ZNF875: variants seen among roughly 807,000 people sequenced by gnomAD.
The protein encoded by ZNF875 is zinc finger protein 875.
ZNF875 carries 14 observed loss-of-function variants against 11.2 expected under a neutral mutation model. That is an observed-to-expected ratio of 1.26 (90% CI 0.83 to 1.96). The LOEUF is 1.96. Among genes scored for constraint, ZNF875 ranks in the 30% most tolerant of loss-of-function variants. The pLI is 0.00. For synonymous variants in ZNF875, 301 were observed against 281.1 expected (o/e 1.07, Z -0.71); for missense variants, 752 against 760.4 (o/e 0.99, Z 0.13).
chr19:37,350,106 CT>C lies in ZNF875; in HGVS notation c.256+2258del, dbSNP rs34388347. Reference sequence around the variant, plus strand: ...GCCACCACGCCCGGCCCCCACTGGCCTTTTTTTTTTTTTTTTTTTTTTTTAA... The same window carrying C: ...GCCACCACGCCCGGCCCCCACTGGCCTTTTTTTTTTTTTTTTTTTTTTTAA... On this transcript the variant is annotated intron_variant, in intron 4 of 4. Transcript: ENST00000392153. Among the ~76,000 whole-genome samples the C allele has an allele frequency of 1.3e-3, 84 of 63,676 alleles. 10 individuals are homozygous for C. Among genetic ancestry groups the C allele is most frequent in the African/African-American group, 6.2e-3 (68 of 10,918 alleles). 41.8% of individuals were successfully genotyped at this position (63,676 alleles called of 152,430 possible).
At chr19:37,330,763 C>G (rs1331592005), upstream of ZNF875, among the ~76,000 whole-genome samples, 8 of 152,156 alleles carry the variant, frequency 5.3e-5, no homozygotes, top group Non-Finnish European at 1.2e-4. Context: ...TCATTGGTGA[C>G]AGAGTAATTC....
upstream of ZNF875, among the ~76,000 whole-genome samples, chr19:37,334,473 T>G (rs1273455109): frequency 1.3e-5 from 2 of 152,238 alleles, no homozygotes; most frequent in African/African-American, 4.8e-5. Flanking sequence ...CTTGGGCATC[T>G]TAAGAGTGGG....
intron 4 of ZNF875, among the ~76,000 whole-genome samples, chr19:37,327,428 T>C (rs1185319860): frequency 1.3e-5 from 2 of 152,172 alleles, no homozygotes; most frequent in Non-Finnish European, 2.9e-5. Context: ...TGGTAATTAT[T>C]TTTATTTTCT....
intron 4 of ZNF875, among the ~76,000 whole-genome samples, chr19:37,326,177 T>A (rs1288569118): frequency 3.9e-5 from 6 of 152,226 alleles, no homozygotes; most frequent in East Asian, 3.8e-4. Flanking sequence ...AGAATTTTTT[T>A]AAAATGTGTT....
At chr19:37,357,984 C>T in intron 4 of ZNF875, 1 of 398,268 alleles carries the variant, frequency 2.5e-6, no homozygotes, top group Non-Finnish European at 4.4e-6. Context: ...CAGCTTTCGC[C>T]CATTCAGTAT....
At chr19:37,358,167 C>T (rs1255270411) in intron 4 of ZNF875, 6 of 292,890 alleles carry the variant, frequency 2.0e-5, no homozygotes, top group South Asian at 2.2e-4. Flanking sequence ...TTGTTTGAGA[C>T]GGAGTCTTGC....
chr19:37,358,131 A>ATATT, intron 4 of ZNF875: 1 of 174,206 alleles, frequency 5.7e-6, no homozygotes, highest in East Asian at 9.9e-5. Context: ...TATTAAGATG[A>ATATT]TCTTTTTTTT....
intron 2 of ZNF875, among the ~76,000 whole-genome samples, chr19:37,336,823 G>A (rs1193746926): frequency 1.3e-5 from 2 of 151,800 alleles, no homozygotes; most frequent in Non-Finnish European, 2.9e-5. Flanking sequence ...CAGGAGAATC[G>A]CTTGAACCTG....
rs1039470402 is a variant in ZNF875 at position 37,363,057 on chromosome 19, G to C, written c.1205G>C (p.Gly402Ala). Residue 402 changes from glycine (G) to alanine (A), a missense_variant, in exon 5 of 5, where the codon GGC (glycine) becomes GCC (alanine). Gly to Ala is a moderately conservative substitution (Grantham distance 60). Transcript: ENST00000392153. ...KPYICRECEQ[G>A]FSQKSHLIRH... ...TACATTTGCAGGGAGTGTGAGCAAG[G>C]CTTTAGCCAGAAGTCACACCTCATC... The C allele has an allele frequency of 1.2e-5, 20 of 1,614,026 alleles. No homozygotes were observed. The highest frequency in any genetic ancestry group is 1.6e-5 in the Non-Finnish European group (19 of 1,180,038).
At chr19:37,360,087 T>C (rs931484970) in intron 4 of ZNF875, among the ~76,000 whole-genome samples, 13 of 152,234 alleles carry the variant, frequency 8.5e-5, no homozygotes, top group African/African-American at 3.1e-4. Context: ...CAATCCATTT[T>C]AGTTAATTTT....
At chr19:37,322,002 C>T (rs915543523) in intron 1 of ZNF875, among the ~76,000 whole-genome samples, 13 of 152,208 alleles carry the variant, frequency 8.5e-5, no homozygotes, top group Admixed American at 6.5e-4. Flanking sequence ...CAAAGACTCT[C>T]CCGTATGTTA....
chr19:37,327,220 T>A (rs1247230436), intron 4 of ZNF875, among the ~76,000 whole-genome samples: 1 of 151,794 alleles, frequency 6.6e-6, no homozygotes, highest in Non-Finnish European at 1.5e-5. Flanking sequence ...TTTGAACTCC[T>A]GACCTCAGGT....
intron 4 of ZNF875, among the ~76,000 whole-genome samples, chr19:37,324,454 A>G (rs1264519350): frequency 3.9e-5 from 6 of 152,314 alleles, no homozygotes; most frequent in Middle Eastern, 3.4e-3. Context: ...CCAGGTTTCA[A>G]CTGCAGATAT....
At chr19:37,357,272 T>G (rs1190238376) in intron 4 of ZNF875, among the ~76,000 whole-genome samples, 1 of 152,226 alleles carries the variant, frequency 6.6e-6, no homozygotes, top group Non-Finnish European at 1.5e-5. Context: ...CCAGCTTTGT[T>G]CTTTTTGTTT....
intron 4 of ZNF875, among the ~76,000 whole-genome samples, chr19:37,352,023 G>C (rs1440097875): frequency 1.3e-5 from 2 of 152,112 alleles, no homozygotes; most frequent in African/African-American, 4.8e-5. Flanking sequence ...ATATCATTGT[G>C]GATTTGTCTA....
At chr19:37,361,358 C>T (rs2039881824) in intron 4 of ZNF875, among the ~76,000 whole-genome samples, 1 of 152,152 alleles carries the variant, frequency 6.6e-6, no homozygotes, top group African/African-American at 2.4e-5. Flanking sequence ...ATCTGCCCGC[C>T]TCGGCTTCCC....
upstream of ZNF875, among the ~76,000 whole-genome samples, chr19:37,329,786 G>A (rs547349632): frequency 6.6e-6 from 1 of 152,274 alleles, no homozygotes; most frequent in African/African-American, 2.4e-5. Flanking sequence ...TGTGGTACCT[G>A]CAGGTCTCAG....
intron 2 of ZNF875, chr19:37,344,820 G>A: frequency 1.7e-6 from 2 of 1,186,012 alleles, no homozygotes; most frequent in Non-Finnish European, 2.5e-6. Context: ...CTGTGATGTA[G>A]CTCCTTCGTG....
chr19:37,323,454 CTGA>C (rs1331815684), intron 2 of ZNF875: 3 of 152,100 alleles, frequency 2.0e-5, no homozygotes, highest in Non-Finnish European at 2.9e-5. Context: ...GGCCAAGGGG[CTGA>C]TATTTCTTAA....
Sources: allele counts gnomAD v4.1 joint callset (sites outside exome capture counted in the v4.1 genomes callset), GRCh38; gene constraint gnomAD v4.1.1; transcripts MANE v1.5; gene names NCBI Gene and HGNC (gene_info 2026-07-23, HGNC 2026-07-21).